SSH1: variants seen among roughly 807,000 people sequenced by gnomAD.
SSH1 encodes protein phosphatase Slingshot homolog 1.
SSH1 carries 43 observed loss-of-function variants against 79.7 expected under a neutral mutation model. The ratio of observed to expected loss-of-function variants is 0.54; its 90% CI spans 0.42 to 0.70. The LOEUF is 0.70. SSH1 is among the 30% of genes least tolerant of loss of function. SSH1 has a pLI of 0.00. For missense variants in SSH1, 1,206 were observed against 1,358.8 expected, an observed-to-expected ratio of 0.89 and a Z score of 1.77; for synonymous variants, 599 against 538.3, an observed-to-expected ratio of 1.11 and a Z score of -1.56.
intron 12 of SSH1, 131 bp from the exon 13 acceptor site, chr12:108,799,331 T>C (rs900345110): frequency 8.1e-6 from 6 of 738,974 alleles, no homozygotes; most frequent in East Asian, 5.4e-5. Context: ...GATATCTTAC[T>C]GCCGAAATCC....
Position 108,802,173 on chromosome 12 carries a change from G to A in SSH1, c.1001+149C>T, listed in dbSNP as rs1271248074. 1.3e-5 allele frequency: 9 copies of A among 697,442 alleles called. No individual in the cohort carries two copies. In the African/African-American group the frequency reaches 1.6e-4, roughly 12 times the overall value. The allele number at this position is 697,442 out of a possible 1,614,324, so 43.2% of individuals were successfully genotyped here. The stretch of plus-strand genomic sequence containing the variant: ...TGGTGTTTGGAAGCACATCTGTTTA[G>A]CTATGCACATCAACCCCTGGCAGCC... On this transcript the variant is annotated intron_variant, in intron 11 of 14. Coordinates refer to ENST00000326495, the MANE Select transcript of SSH1 (RefSeq NM_018984.4).
chr12:108,815,240 C>T (rs1453678165), intron 5 of SSH1, among the ~76,000 whole-genome samples: 3 of 152,188 alleles, frequency 2.0e-5, no homozygotes, highest in African/African-American at 4.8e-5. Context: ...ACTGCAGCCT[C>T]GTGAGCTTCT....
chr12:108,819,069 T>C (rs2038014088), intron 3 of SSH1, among the ~76,000 whole-genome samples: 1 of 151,874 alleles, frequency 6.6e-6, no homozygotes. Flanking sequence ...TTCAAACTTC[T>C]GCATTTTCCA....
chr12:108,805,035 T>C (rs1485241518), intron 10 of SSH1, 21 bp downstream of exon 10: 4 of 1,613,802 alleles, frequency 2.5e-6, no homozygotes, highest in African/African-American at 2.7e-5. Flanking sequence ...AACCAGATAC[T>C]GCCAGGGCCA....
At chr12:108,847,874 C>T (rs374479186) in intron 2 of SSH1, among the ~76,000 whole-genome samples, 4 of 152,320 alleles carry the variant, frequency 2.6e-5, no homozygotes, top group African/African-American at 9.6e-5. Flanking sequence ...GCGGGTGTGG[C>T]ACCTGTCACA....
chr12:108,819,813 A>T (rs1039666005), intron 3 of SSH1, among the ~76,000 whole-genome samples: 37 of 152,190 alleles, frequency 2.4e-4, no homozygotes, highest in African/African-American at 8.7e-4. Flanking sequence ...AGGAAAAAAA[A>T]TTACTCTATA....
In SSH1 at chr12:108,852,660, C is replaced by T. The variant is rs770209345; in HGVS notation, c.88G>A (p.Glu30Lys). The change falls in exon 2 of 15, where the codon GAA becomes AAA. Residue 30 changes from glutamate to lysine, a missense_variant. Physicochemically the swap from Glu to Lys is moderately conservative, Grantham distance 56. Around this residue, in one of 5 missense-constraint regions of SSH1, gnomAD observed 100 missense variants for 82.3 expected, o/e 1.21. Coordinates refer to ENST00000326495, the MANE Select transcript of SSH1 (RefSeq NM_018984.4). ...TACCTGAGGTTTAATTTTCGATCTT[C>T]TTCGCTGCCAGCCTCCAACTACAGA... ...SNSELEAGSE[E>K]DRKLNLSLSE... is the part of the protein sequence containing the mutation. 6.2e-7 allele frequency: 1 copy of T among 1,614,204 alleles called. No individual in the cohort carries two copies. The highest frequency in any genetic ancestry group is 8.5e-7 in the Non-Finnish European group (1 of 1,180,046).
chr12:108,801,874 C>G (rs1242912657), intron 11 of SSH1, among the ~76,000 whole-genome samples: 2 of 152,118 alleles, frequency 1.3e-5, no homozygotes, highest in African/African-American at 4.8e-5. Flanking sequence ...TGCAAGATTC[C>G]CACCAGGCCC....
At chr12:108,842,646 C>T (rs961535754) in intron 2 of SSH1, among the ~76,000 whole-genome samples, 4 of 152,188 alleles carry the variant, frequency 2.6e-5, no homozygotes, top group African/African-American at 9.7e-5. Flanking sequence ...GCTAATGGCT[C>T]ACCAGGAAGA....
intron 3 of SSH1, among the ~76,000 whole-genome samples, chr12:108,821,568 C>T (rs1167088623): frequency 6.6e-6 from 1 of 151,996 alleles, no homozygotes; most frequent in Non-Finnish European, 1.5e-5. Flanking sequence ...TCTGAGGCAC[C>T]AGTATTTGAT....
At chr12:108,798,267 G>A (rs778381359) in intron 13 of SSH1, among the ~76,000 whole-genome samples, 5 of 152,168 alleles carry the variant, frequency 3.3e-5, no homozygotes, top group Admixed American at 6.5e-5. Flanking sequence ...GAGCTCAAGC[G>A]ACCACCCACC....
chr12:108,788,119 T>C lies in SSH1; in HGVS notation c.3019A>G (p.Thr1007Ala). 1 of 1,614,004 alleles carries C rather than the reference T, an allele frequency of 6.2e-7. No individual in the cohort carries two copies. ...AAGAAGGAAGATTCACTCAAAGTGG[T>C]GTCCTGGGAGTCAGCGACGGTGGAC... ...DPSTVADSQD[T>A]TLSESSFLHE... The change falls in exon 15 of 15, where the codon ACC becomes GCC. Residue 1007 changes from threonine to alanine, a missense_variant. Coordinates refer to ENST00000326495, the MANE Select transcript of SSH1 (RefSeq NM_018984.4).
chr12:108,797,566 T>C (rs2036807429), intron 13 of SSH1, among the ~76,000 whole-genome samples: 1 of 152,114 alleles, frequency 6.6e-6, no homozygotes, highest in Admixed American at 6.5e-5. Flanking sequence ...CCTGTGCCTA[T>C]AAAGACCCCA....
rs947729627 is a variant in SSH1, at chr12:108,780,405, A to C, written c.*7583T>G. 2 of 152,216 alleles carry C rather than the reference A, an allele frequency of 1.3e-5. No homozygotes were observed. Among genetic ancestry groups the C allele is most frequent in the Non-Finnish European group, 2.9e-5 (2 of 68,034 alleles). The allele number at this position is 152,216 out of a possible 1,614,324, so 9.4% of individuals were successfully genotyped here. A position where few individuals can be genotyped will look rare whatever the true frequency, so the allele number is the denominator to read the frequency against. On this transcript the variant is annotated 3_prime_UTR_variant, in exon 15 of 15. Coordinates refer to ENST00000326495, the MANE Select transcript of SSH1 (RefSeq NM_018984.4). ...TATTGTCCTAGGGCCTTGAACAAATAAGTATCGGATGAGTTTTATGAACAC... is the reference window on the plus strand; with the variant it reads ...TATTGTCCTAGGGCCTTGAACAAATCAGTATCGGATGAGTTTTATGAACAC...
intron 5 of SSH1, among the ~76,000 whole-genome samples, chr12:108,811,949 C>T (rs775901831): frequency 2.6e-5 from 4 of 152,160 alleles, no homozygotes; most frequent in Non-Finnish European, 4.4e-5. Context: ...CCGCTGTAAC[C>T]GTGCCAAGAG....
chr12:108,805,647 C>T (rs1417753261), intron 9 of SSH1, among the ~76,000 whole-genome samples: 5 of 150,988 alleles, frequency 3.3e-5, no homozygotes, highest in Non-Finnish European at 5.9e-5. Flanking sequence ...TTGCTTGAGG[C>T]CAGGAGTTCA....
In SSH1 at chr12:108,783,841, T is replaced by C. The variant is rs1166856082; in HGVS notation, c.*4147A>G. ...GGGGACAGGGGTCATTCAACAACCT[T>C]CATTTGGTTTGCAATGTCTGCAGGA... On this transcript the variant is annotated 3_prime_UTR_variant, in exon 15 of 15. Coordinates refer to ENST00000326495, the MANE Select transcript of SSH1 (RefSeq NM_018984.4). The C allele has an allele frequency of 6.6e-6, 1 of 152,246 alleles. No homozygotes were observed. Among genetic ancestry groups the C allele is most frequent in the African/African-American group, 2.4e-5 (1 of 41,440 alleles). The allele number at this position is 152,246 out of a possible 1,614,324, so 9.4% of individuals were successfully genotyped here.
In SSH1 at chr12:108,799,087, T is replaced by G. The variant is rs1486845680; in HGVS notation, c.1262A>C (p.Asn421Thr). 1 of 1,614,168 alleles carries G rather than the reference T, an allele frequency of 6.2e-7. No individual in the cohort carries two copies. Among genetic ancestry groups the G allele is most frequent in the Non-Finnish European group, 8.5e-7 (1 of 1,180,042 alleles). Residue 421 changes from asparagine (N) to threonine (T), a missense_variant, in exon 13 of 15, where the codon AAC (asparagine) becomes ACC (threonine). Coordinates refer to ENST00000326495, the MANE Select transcript of SSH1 (RefSeq NM_018984.4). ...EFGWPLEKAYNYVKQKRSITR... is the reference protein window; with the variant it reads ...EFGWPLEKAYTYVKQKRSITR... Reference sequence around the variant, plus strand: ...GATGCTGCGCTTCTGCTTTACATAGTTATATGCTTTTTCCAGAGGCCAGCC... The same window carrying G: ...GATGCTGCGCTTCTGCTTTACATAGGTATATGCTTTTTCCAGAGGCCAGCC...
In SSH1 at chr12:108,811,225, T is replaced by C. The variant is rs772064754; in HGVS notation, c.470+35A>G. On this transcript the variant is annotated intron_variant, in intron 6 of 14. Coordinates refer to ENST00000326495, the MANE Select transcript of SSH1 (RefSeq NM_018984.4). ...GCTCGTGTTTTCAATGCCTACTACA[T>C]ACAGTGAGAGAATCTTTTAAAGAGA... The C allele has an allele frequency of 8.8e-5, 141 of 1,601,794 alleles. 2 individuals carry two copies. In the South Asian group the frequency reaches 1.5e-3, roughly 17 times the overall value.
Sources: allele counts gnomAD v4.1 joint callset (sites outside exome capture counted in the v4.1 genomes callset), GRCh38; gene constraint gnomAD v4.1.1; regional missense constraint gnomAD v4.1.1; transcripts MANE v1.5; gene names NCBI Gene and HGNC (gene_info 2026-07-23, HGNC 2026-07-21).